TMEFF1: variants seen among roughly 807,000 people sequenced by gnomAD.
TMEFF1 encodes the protein tomoregulin-1.
A neutral mutation model predicts 47.5 loss-of-function variants in TMEFF1; 20 were observed. The ratio of observed to expected loss-of-function variants is 0.42; its 90% CI spans 0.30 to 0.61. TMEFF1 has a LOEUF of 0.61. Among genes scored for constraint, TMEFF1 ranks in the 20% least tolerant of loss-of-function variants. TMEFF1 has a pLI of 0.19. For missense variants in TMEFF1, 411 were observed against 471.1 expected, an observed-to-expected ratio of 0.87 and a Z score of 1.18; for synonymous variants, 162 against 166.3, an observed-to-expected ratio of 0.97 and a Z score of 0.20.
chr9:100,547,686 G>T, intron 5 of TMEFF1, 58 bp from the exon 6 acceptor site: 2 of 1,389,746 alleles, frequency 1.4e-6, no homozygotes, highest in Admixed American at 2.6e-5. Context: ...TTTTGCTGTT[G>T]CAGCATTGTG....
chr9:100,562,826 T>G (rs560976698), intron 8 of TMEFF1, among the ~76,000 whole-genome samples: 2 of 151,332 alleles, frequency 1.3e-5, no homozygotes, highest in South Asian at 4.2e-4. Flanking sequence ...TGGCTAATTT[T>G]TTGTTTTTTT....
chr9:100,501,845 A>T (rs766370126), intron 2 of TMEFF1, among the ~76,000 whole-genome samples: 1 of 152,096 alleles, frequency 6.6e-6, no homozygotes, highest in Non-Finnish European at 1.5e-5. Flanking sequence ...GGATTTCACC[A>T]TGTTGGCCAG....
At position 100,516,767 on chromosome 9, in the gene TMEFF1, G is replaced by A. The variant is rs770617613; in HGVS notation, c.556G>A (p.Val186Ile). 2 of 1,612,832 alleles carry A rather than the reference G, an allele frequency of 1.2e-6. No individual in the cohort carries two copies. The highest frequency in any genetic ancestry group is 1.1e-5 in the South Asian group (1 of 90,726). Residue 186 changes from valine (V) to isoleucine (I), a missense_variant, in exon 5 of 10, where the codon GTT becomes ATT. Coordinates refer to ENST00000374879, the MANE Select transcript of TMEFF1 (RefSeq NM_003692.5). ...KAECDEDAENVGCVCNIDCSG... is the reference protein window; with the variant it reads ...KAECDEDAENIGCVCNIDCSG... ...TGAGTGTGATGAAGATGCAGAAAATGTTGGGTGAGTTGGTTGAGGGGAAGG... is the reference window on the plus strand; with the variant it reads ...TGAGTGTGATGAAGATGCAGAAAATATTGGGTGAGTTGGTTGAGGGGAAGG...
chr9:100,499,341 T>C (rs1837714819), intron 2 of TMEFF1, among the ~76,000 whole-genome samples: 1 of 152,224 alleles, frequency 6.6e-6, no homozygotes, highest in Non-Finnish European at 1.5e-5. Context: ...AAGTGGAACC[T>C]CAAACTAAGA....
intron 5 of TMEFF1, among the ~76,000 whole-genome samples, chr9:100,519,689 G>T (rs1431124252): frequency 2.9e-5 from 3 of 104,602 alleles, no homozygotes; most frequent in African/African-American, 1.1e-4. Flanking sequence ...CAAAAACACT[G>T]CCCTCTTCAT....
rs755380592 is a variant in TMEFF1 at position 100,572,469 on chromosome 9, TA to T, written c.900-48del. ...ATTTTTTAATGTAAAAGCTTGGGAG[TA>T]TCAAAATTTGTAATTTTCATAGGAA... is the stretch of plus-strand genomic sequence containing the variant. On this transcript the variant is annotated intron_variant, in intron 8 of 9. Transcript: ENST00000374879. The T allele has an allele frequency of 2.0e-6, 3 of 1,476,422 alleles. No homozygotes were observed. The East Asian group carries it at 7.2e-5, about 35-fold the overall frequency. The allele number at this position is 1,476,422 out of a possible 1,614,324, so 91.5% of individuals were successfully genotyped here.
chr9:100,544,654 C>T (rs550376911), intron 5 of TMEFF1, among the ~76,000 whole-genome samples: 1 of 152,214 alleles, frequency 6.6e-6, no homozygotes, highest in African/African-American at 2.4e-5. Context: ...TGCCTTCTCA[C>T]CAGTCACCCA....
intron 5 of TMEFF1, among the ~76,000 whole-genome samples, chr9:100,536,918 C>G (rs1838522754): frequency 6.6e-6 from 1 of 152,098 alleles, no homozygotes. Flanking sequence ...TGACATATGG[C>G]TATGTTTATT....
chr9:100,547,626 A>G, intron 5 of TMEFF1, 118 bp from the exon 6 acceptor site: 1 of 1,235,358 alleles, frequency 8.1e-7, no homozygotes, highest in South Asian at 2.8e-5. Flanking sequence ...CAGTGACTTA[A>G]AACAATATAT....
intron 7 of TMEFF1, among the ~76,000 whole-genome samples, chr9:100,551,024 A>G (rs566862550): frequency 1.3e-5 from 2 of 152,366 alleles, no homozygotes; most frequent in Admixed American, 1.3e-4. Flanking sequence ...TTGAGGATCA[A>G]TGAGGTTGTA....
intron 2 of TMEFF1, among the ~76,000 whole-genome samples, chr9:100,506,170 A>T (rs569643165): frequency 1.3e-5 from 2 of 152,320 alleles, no homozygotes; most frequent in Admixed American, 1.3e-4. Context: ...TGCCATATGT[A>T]TGCTTCATAA....
intron 8 of TMEFF1, among the ~76,000 whole-genome samples, chr9:100,563,211 C>T (rs1409127010): frequency 1.3e-5 from 2 of 152,210 alleles, no homozygotes; most frequent in Non-Finnish European, 2.9e-5. Flanking sequence ...CCTCAGACTC[C>T]CAAAGTGCTA....
intron 1 of TMEFF1, among the ~76,000 whole-genome samples, chr9:100,483,773 A>G (rs369061975): frequency 3.4e-5 from 5 of 148,040 alleles, no homozygotes; most frequent in African/African-American, 1.3e-4. Flanking sequence ...TTCTCTCTCT[A>G]TCGTCTGTCT....
At chr9:100,493,774 C>T (rs1837600543) in intron 1 of TMEFF1, among the ~76,000 whole-genome samples, 1 of 152,118 alleles carries the variant, frequency 6.6e-6, no homozygotes, top group Non-Finnish European at 1.5e-5. Flanking sequence ...AGAATGTCCT[C>T]TTGATGCCTG....
At chr9:100,513,565 C>G (rs1358027460) in intron 4 of TMEFF1, among the ~76,000 whole-genome samples, 1 of 151,914 alleles carries the variant, frequency 6.6e-6, no homozygotes, top group African/African-American at 2.4e-5. Context: ...TTTTAATAAC[C>G]TCAAAAAGAA....
intron 5 of TMEFF1, among the ~76,000 whole-genome samples, chr9:100,538,300 C>T (rs951839395): frequency 6.6e-6 from 1 of 152,230 alleles, no homozygotes; most frequent in Non-Finnish European, 1.5e-5. Context: ...TTGTGATCCA[C>T]CCGCCTCGGC....
At chr9:100,514,975 A>C (rs1159652013) in intron 4 of TMEFF1, among the ~76,000 whole-genome samples, 1 of 152,044 alleles carries the variant, frequency 6.6e-6, no homozygotes, top group African/African-American at 2.4e-5. Flanking sequence ...AGCCTGGGGG[A>C]CAGAGCGAGA....
At chr9:100,482,269 C>A (rs1365994337) in intron 1 of TMEFF1, among the ~76,000 whole-genome samples, 1 of 151,172 alleles carries the variant, frequency 6.6e-6, no homozygotes, top group African/African-American at 2.4e-5. Context: ...TTGATCTTTG[C>A]TCACTGCAAC....
At chr9:100,565,362 C>T (rs1839105910) in intron 8 of TMEFF1, among the ~76,000 whole-genome samples, 1 of 152,136 alleles carries the variant, frequency 6.6e-6, no homozygotes, top group African/African-American at 2.4e-5. Flanking sequence ...TCCCACATTC[C>T]TCTATTGCTT....
Sources: allele counts gnomAD v4.1 joint callset (sites outside exome capture counted in the v4.1 genomes callset), GRCh38; gene constraint gnomAD v4.1.1; transcripts MANE v1.5; gene names NCBI Gene and HGNC (gene_info 2026-07-23, HGNC 2026-07-21).